LINGO2: variants seen among roughly 807,000 people sequenced by gnomAD.
The protein encoded by LINGO2 is leucine rich repeat and Ig domain containing 2, also known as leucine-rich repeat and immunoglobulin-like domain-containing nogo receptor-interacting protein 2.
In LINGO2, 14 loss-of-function variants were observed where a neutral mutation model predicts 30.6. The ratio of observed to expected loss-of-function variants is 0.46; its 90% CI spans 0.30 to 0.72. The LOEUF (loss-of-function observed/expected upper bound fraction) is 0.72. Ranked by LOEUF, LINGO2 falls within the 30% of genes least tolerant of loss-of-function variation. The pLI, the probability that LINGO2 is intolerant of heterozygous loss-of-function variation, is 0.07. For synonymous variants in LINGO2, 317 were observed against 288.5 expected (o/e 1.10, Z -1.00); for missense variants, 729 against 751.7 (o/e 0.97, Z 0.35).
At chr9:28,375,936 C>A (rs547577421) in intron 2 of LINGO2, among the ~76,000 whole-genome samples, 1 of 152,198 alleles carries the variant, frequency 6.6e-6, no homozygotes, top group South Asian at 2.1e-4. Context: ...GCTCCTGTGC[C>A]AAGAGATTGG....
chr9:28,471,194 T>A (rs1451941829), intron 2 of LINGO2, among the ~76,000 whole-genome samples: 1 of 152,130 alleles, frequency 6.6e-6, no homozygotes, highest in Non-Finnish European at 1.5e-5. Context: ...CTGAGCAATT[T>A]GTAAAGAAAA....
At chr9:27,949,813 T>C (rs771600231) in exon 6 of LINGO2, 1 of 1,613,976 alleles carries the variant, frequency 6.2e-7, no homozygotes, top group African/African-American at 1.3e-5. Flanking sequence ...GCTTCAATAG[T>C]GCTGATGGGA....
intron 4 of LINGO2, among the ~76,000 whole-genome samples, chr9:28,099,377 G>A (rs1022055015): frequency 6.6e-6 from 1 of 151,976 alleles, no homozygotes; most frequent in African/African-American, 2.4e-5. Flanking sequence ...CTTGTTTTTT[G>A]TTTTGTTTTC....
Position 28,314,814 on chromosome 9 carries a change from C to G in LINGO2, c.-245-19448G>C, listed in dbSNP as rs184759725. On this transcript the variant is annotated intron_variant, in intron 3 of 5. Transcript: ENST00000379992. ...CCTGGCTAACACGATGAAACCCCGTCTCTACTAAAAATACCAAAAAATTAG... is the reference window on the plus strand; with the variant it reads ...CCTGGCTAACACGATGAAACCCCGTGTCTACTAAAAATACCAAAAAATTAG... Among the ~76,000 whole-genome samples, 544 of 152,000 alleles carry G rather than the reference C, an allele frequency of 3.6e-3. 6 individuals are homozygous for G. Among genetic ancestry groups the G allele is most frequent in the African/African-American group, 0.012 (507 of 41,482 alleles).
chr9:28,643,053 A>G (rs539968065), intron 1 of LINGO2, among the ~76,000 whole-genome samples: 1 of 152,226 alleles, frequency 6.6e-6, no homozygotes, highest in East Asian at 1.9e-4. Context: ...ACCAAACGAT[A>G]GAAAGATATT....
At chr9:28,781,057 T>G in the LINGO2 span, among the ~76,000 whole-genome samples, 9 of 152,300 alleles carry the variant, frequency 5.9e-5, no homozygotes, top group African/African-American at 2.2e-4. Flanking sequence ...TGTCTAAATC[T>G]ACAAGTAATC....
At chr9:29,076,518 A>G in the LINGO2 span, among the ~76,000 whole-genome samples, 2 of 150,690 alleles carry the variant, frequency 1.3e-5, no homozygotes, top group Admixed American at 6.6e-5. Context: ...CAGAATGAGT[A>G]TGGTATAGGC....
At position 28,041,148 on chromosome 9, in the gene LINGO2, C is replaced by CTTTTGAGGG. The variant is rs1354028411; in HGVS notation, c.-86-28744_-86-28743insCCCTCAAAA. On this transcript the variant is annotated intron_variant, in intron 4 of 5. Transcript: ENST00000379992. ...GAAAAATGTTCCCTCAAAAGAGATC[C>CTTTTGAGGG]AAGACCATCTTTGTGTCTGAATCTA... Among the ~76,000 whole-genome samples, 677 of 152,294 alleles carry CTTTTGAGGG rather than the reference C, an allele frequency of 4.4e-3. 7 individuals are homozygous for CTTTTGAGGG. The highest frequency in any genetic ancestry group is 0.016 in the African/African-American group (645 of 41,560).
intron 3 of LINGO2, among the ~76,000 whole-genome samples, chr9:28,300,983 T>C (rs922729779): frequency 6.6e-6 from 1 of 151,922 alleles, no homozygotes; most frequent in Non-Finnish European, 1.5e-5. Flanking sequence ...AATATAATTA[T>C]CATTAGGCAG....
chr9:29,183,677 A>C, the LINGO2 span, among the ~76,000 whole-genome samples: 1 of 152,246 alleles, frequency 6.6e-6, no homozygotes, highest in African/African-American at 2.4e-5. Context: ...TTAAAAGAAT[A>C]AATTATTTTT....
At chr9:28,988,527 C>T in the LINGO2 span, among the ~76,000 whole-genome samples, 1 of 152,100 alleles carries the variant, frequency 6.6e-6, no homozygotes, top group Non-Finnish European at 1.5e-5. Flanking sequence ...TCCATCTACA[C>T]TCACAGCAAT....
chr9:28,675,499 CT>C, the LINGO2 span, among the ~76,000 whole-genome samples: 4 of 152,046 alleles, frequency 2.6e-5, no homozygotes, highest in African/African-American at 9.7e-5. Context: ...GCAATATAAT[CT>C]GTTTCCCTAA....
chr9:29,063,147 C>T, the LINGO2 span, among the ~76,000 whole-genome samples: 3 of 134,532 alleles, frequency 2.2e-5, no homozygotes, highest in Non-Finnish European at 5.0e-5. Flanking sequence ...AATAATGTAA[C>T]ACAGAGGACA....
intron 4 of LINGO2, among the ~76,000 whole-genome samples, chr9:28,270,031 T>C (rs536454175): frequency 6.6e-6 from 1 of 152,128 alleles, no homozygotes; most frequent in Non-Finnish European, 1.5e-5. Flanking sequence ...GATTCTCAGA[T>C]AGTTTGTAAA....
At chr9:28,506,176 A>G (rs1461197742) in intron 1 of LINGO2, among the ~76,000 whole-genome samples, 1 of 151,474 alleles carries the variant, frequency 6.6e-6, no homozygotes. Context: ...ACTTCCACTC[A>G]AGAAAAGTAA....
chr9:28,804,877 T>A, the LINGO2 span, among the ~76,000 whole-genome samples: 2 of 152,274 alleles, frequency 1.3e-5, no homozygotes, highest in East Asian at 3.9e-4. Context: ...ATGATACATT[T>A]AATATTCTTG....
chr9:28,694,024 T>C, the LINGO2 span, among the ~76,000 whole-genome samples: 1 of 151,892 alleles, frequency 6.6e-6, no homozygotes, highest in African/African-American at 2.4e-5. Context: ...TATCAGCTGG[T>C]AGTTAGTGAA....
chr9:28,016,014 A>AAAAAT, intron 4 of LINGO2, among the ~76,000 whole-genome samples: 2 of 149,942 alleles, frequency 1.3e-5, no homozygotes, highest in Non-Finnish European at 1.5e-5. Context: ...AAAAAAAAAA[A>AAAAAT]GATACCTCAG....
At chr9:28,470,960 TTATA>T (rs1243715600) in intron 2 of LINGO2, among the ~76,000 whole-genome samples, 1 of 148,276 alleles carries the variant, frequency 6.7e-6, no homozygotes, top group Non-Finnish European at 1.5e-5. Flanking sequence ...ATAATTTTCT[TTATA>T]TATGTTATAT....
Sources: allele counts gnomAD v4.1 joint callset (sites outside exome capture counted in the v4.1 genomes callset), GRCh38; gene constraint gnomAD v4.1.1; transcripts MANE v1.5; gene names NCBI Gene and HGNC (gene_info 2026-07-23, HGNC 2026-07-21).